Variants in KLHL14 observed in about 807,000 individuals in gnomAD.
KLHL14 encodes kelch-like protein 14.
KLHL14 carries 22 observed loss-of-function variants against 64.3 expected under a neutral mutation model. The observed-to-expected ratio is 0.34, with a 90% CI of 0.24 to 0.49. The LOEUF is 0.49. Among genes scored for constraint, KLHL14 ranks in the 20% least tolerant of loss-of-function variants. The pLI is 0.99. For missense variants in KLHL14, 661 were observed against 789.0 expected (o/e 0.84, Z 1.94); for synonymous variants, 322 against 333.4 (o/e 0.97, Z 0.37).
At chr18:32,753,023 T>C (rs983904640) in intron 2 of KLHL14, among the ~76,000 whole-genome samples, 8 of 151,266 alleles carry the variant, frequency 5.3e-5, no homozygotes, top group African/African-American at 1.9e-4. Context: ...GTGATTCTAT[T>C]AATAAGATGC....
At chr18:32,763,646 C>T (rs973293992) in intron 2 of KLHL14, among the ~76,000 whole-genome samples, 9 of 152,146 alleles carry the variant, frequency 5.9e-5, no homozygotes, top group Non-Finnish European at 1.2e-4. Context: ...GTGATAGCTA[C>T]TATTATTATT....
chr18:32,693,011 G>A (rs976830328), intron 4 of KLHL14, among the ~76,000 whole-genome samples: 9 of 152,138 alleles, frequency 5.9e-5, no homozygotes, highest in African/African-American at 1.9e-4. Context: ...AACCATTCAC[G>A]GGATTGTGGT....
intron 2 of KLHL14, among the ~76,000 whole-genome samples, chr18:32,749,042 G>A (rs2050238958): frequency 6.6e-6 from 1 of 152,076 alleles, no homozygotes; most frequent in Non-Finnish European, 1.5e-5. Flanking sequence ...TTGACAAGCA[G>A]GTGGCCTATG....
intron 3 of KLHL14, 114 bp downstream of exon 3, chr18:32,741,814 G>A (rs1388895014): frequency 1.6e-6 from 2 of 1,231,366 alleles, no homozygotes; most frequent in African/African-American, 1.5e-5. Flanking sequence ...AACCTCCAAA[G>A]GGGAACAAAT....
intron 3 of KLHL14, among the ~76,000 whole-genome samples, chr18:32,698,475 A>T (rs2049947300): frequency 6.6e-6 from 1 of 152,194 alleles, no homozygotes; most frequent in Admixed American, 6.5e-5. Context: ...GAGATGAATG[A>T]TGGAGACAGA....
intron 1 of KLHL14, chr18:32,772,148 G>A: frequency 3.7e-6 from 1 of 270,460 alleles, no homozygotes. Context: ...CGCCGCCGCC[G>A]CCCGGCTCGG....
intron 4 of KLHL14, among the ~76,000 whole-genome samples, chr18:32,687,981 A>G (rs765812866): frequency 6.6e-6 from 1 of 152,194 alleles, no homozygotes; most frequent in Non-Finnish European, 1.5e-5. Flanking sequence ...ATTTGCTGAA[A>G]TGGGAAATGT....
At chr18:32,685,886 G>A (rs1213847623) in intron 5 of KLHL14, among the ~76,000 whole-genome samples, 2 of 152,068 alleles carry the variant, frequency 1.3e-5, no homozygotes, top group African/African-American at 4.8e-5. Flanking sequence ...TGGAATTTAG[G>A]ATTAAGGATC....
At chr18:32,690,127 A>T (rs1568065514) in intron 4 of KLHL14, among the ~76,000 whole-genome samples, 1 of 152,094 alleles carries the variant, frequency 6.6e-6, no homozygotes, top group Non-Finnish European at 1.5e-5. Context: ...GTTTATGAGG[A>T]GAGTGGTTAT....
intron 2 of KLHL14, among the ~76,000 whole-genome samples, chr18:32,766,807 T>G (rs2050348248): frequency 6.6e-6 from 1 of 152,114 alleles, no homozygotes; most frequent in African/African-American, 2.4e-5. Context: ...AGTATTTGTA[T>G]AAAGATTTCA....
In KLHL14 at chr18:32,770,595, G is replaced by A. The variant is rs1466025205; in HGVS notation, c.-4C>T. On this transcript the variant is annotated 5_prime_UTR_variant, in exon 2 of 9. Transcript: ENST00000359358. The surrounding 1 kb of genome is among the most constrained non-coding windows in gnomAD (Gnocchi z 6.7). The stretch of plus-strand genomic sequence containing the variant: ...TCCTGTCCCCGGATCTGGACATGGC[G>A]AGCTGACTCGGTGCACCTGGCTTTA... 6.4e-7 allele frequency: 1 copy of A among 1,556,420 alleles called. No individual in the cohort carries two copies. Among genetic ancestry groups the A allele is most frequent in the Non-Finnish European group, 8.7e-7 (1 of 1,154,982 alleles).
Position 32,735,401 on chromosome 18 carries a change from C to A in KLHL14, c.1069+6527G>T, listed in dbSNP as rs964463916. ...AAAGCCAAAATGAAAAAATTGTGAG[C>A]CTGCCATTGAAGTTCCTGTATGGCC... On this transcript the variant is annotated intron_variant, in intron 3 of 8. Transcript: ENST00000359358. 1.3e-5 allele frequency among the ~76,000 whole-genome samples: 2 copies of A among 152,208 alleles called. 1 individual carries two copies. Among genetic ancestry groups the A allele is most frequent in the South Asian group, 4.1e-4 (2 of 4,820 alleles).
chr18:32,704,193 G>A (rs2049979288), intron 3 of KLHL14, among the ~76,000 whole-genome samples: 1 of 152,252 alleles, frequency 6.6e-6, no homozygotes, highest in South Asian at 2.1e-4. Context: ...TTTATAAGGT[G>A]GATGATATGG....
chr18:32,724,426 C>A (rs945156122), intron 3 of KLHL14, among the ~76,000 whole-genome samples: 11 of 152,148 alleles, frequency 7.2e-5, no homozygotes, highest in African/African-American at 2.2e-4. Flanking sequence ...AGAGAGCCCT[C>A]AATACATGTC....
At chr18:32,688,557 A>C (rs972012155) in intron 4 of KLHL14, among the ~76,000 whole-genome samples, 2 of 152,342 alleles carry the variant, frequency 1.3e-5, no homozygotes, top group Non-Finnish European at 1.5e-5. Context: ...TCTGCAAGCC[A>C]TGCAAATATC....
chr18:32,772,641 A>G (rs2050397113), intron 1 of KLHL14, 26 bp downstream of exon 1: 1 of 151,936 alleles, frequency 6.6e-6, no homozygotes, highest in Non-Finnish European at 1.5e-5. Context: ...AATACACACA[A>G]GGCAGACACA....
intron 2 of KLHL14, among the ~76,000 whole-genome samples, chr18:32,762,081 C>G (rs1436131621): frequency 6.6e-6 from 1 of 151,692 alleles, no homozygotes; most frequent in East Asian, 1.9e-4. Flanking sequence ...CATTACCTAG[C>G]ACAACAATGG....
chr18:32,761,634 C>A (rs1255271035), intron 2 of KLHL14, among the ~76,000 whole-genome samples: 1 of 152,140 alleles, frequency 6.6e-6, no homozygotes, highest in Non-Finnish European at 1.5e-5. Flanking sequence ...CAGCCCATGC[C>A]ACTTTTCTCT....
At chr18:32,718,855 G>A (rs1421826265) in intron 3 of KLHL14, among the ~76,000 whole-genome samples, 1 of 152,132 alleles carries the variant, frequency 6.6e-6, no homozygotes, top group African/African-American at 2.4e-5. Flanking sequence ...TATTGACACA[G>A]TCTAGCTTCC....
Sources: allele counts gnomAD v4.1 joint callset (sites outside exome capture counted in the v4.1 genomes callset), GRCh38; gene constraint gnomAD v4.1.1; non-coding constraint Gnocchi (gnomAD v3.1); transcripts MANE v1.5; gene names NCBI Gene and HGNC (gene_info 2026-07-23, HGNC 2026-07-21).